The following NETO2 variants were observed in gnomAD, a reference collection of about 807,000 sequenced individuals.
NETO2 encodes the protein neuropilin and tolloid-like protein 2.
In NETO2, 28 loss-of-function variants were observed where a neutral mutation model predicts 62.5. That is an observed-to-expected ratio of 0.45 (90% confidence interval 0.33 to 0.61). The LOEUF (loss-of-function observed/expected upper bound fraction) is 0.61. Among genes scored for constraint, NETO2 ranks in the 20% least tolerant of loss-of-function variants. The probability of loss-of-function intolerance (pLI) is 0.02; values close to 1 mark genes in which losing one functional copy is unlikely to be tolerated. For synonymous variants in NETO2, 214 were observed against 219.1 expected, an observed-to-expected ratio of 0.98 and a Z score of 0.21; for missense variants, 548 against 643.2, an observed-to-expected ratio of 0.85 and a Z score of 1.60.
At chr16:47,128,600 G>A (rs1195912431) in intron 3 of NETO2, 27 bp from the exon 4 acceptor site, 2 of 1,598,566 alleles carry the variant, frequency 1.3e-6, no homozygotes, top group East Asian at 2.2e-5. Context: ...AGCAAATCAG[G>A]ACAACACAAA....
intron 7 of NETO2, among the ~76,000 whole-genome samples, chr16:47,098,521 GACT>G (rs1345885339): frequency 1.3e-5 from 2 of 152,172 alleles, no homozygotes; most frequent in African/African-American, 4.8e-5. Flanking sequence ...AGAAATATGG[GACT>G]ACGTGAAAAG....
At chr16:47,130,004 A>G (rs1034830304) in intron 2 of NETO2, among the ~76,000 whole-genome samples, 1 of 152,222 alleles carries the variant, frequency 6.6e-6, no homozygotes, top group African/African-American at 2.4e-5. Flanking sequence ...TTGGATTTTC[A>G]GTACCCTTTC....
chr16:47,128,525 A>G lies in NETO2; in HGVS notation c.281T>C (p.Ile94Thr). Residue 94 changes from isoleucine to threonine, a missense_variant, in exon 4 of 9, where the codon ATA (isoleucine) becomes ACA (threonine). Transcript: ENST00000562435. ...AAACCGACACTCAAATGATGGTTCTATATAATAATGTTCATCAAAGGTCAA... is the reference window on the plus strand; with the variant it reads ...AAACCGACACTCAAATGATGGTTCTGTATAATAATGTTCATCAAAGGTCAA... ...IELTFDEHYY[I>T]EPSFECRFDH... The G allele has an allele frequency of 1.2e-6, 2 of 1,613,860 alleles. No homozygotes were observed. The highest frequency in any genetic ancestry group is 2.2e-5 in the South Asian group (2 of 91,076).
rs562589845 is a variant in NETO2, at chr16:47,143,613, G to C, written c.-1C>G. On this transcript the variant is annotated 5_prime_UTR_variant, in exon 1 of 9. Coordinates refer to ENST00000562435, the MANE Select transcript of NETO2 (RefSeq NM_018092.5). ...CCGAGCAGAGCCGCTCCAGGGCCAT[G>C]TTCCCGAGCTGCCCGGCGCTTCGCG... The C allele has an allele frequency of 8.2e-6, 10 of 1,222,616 alleles. No homozygotes were observed. The highest frequency in any genetic ancestry group is 6.1e-6 in the Non-Finnish European group (6 of 978,240). 75.7% of individuals were successfully genotyped at this position (1,222,616 alleles called of 1,614,324 possible). A position where few individuals can be genotyped will look rare whatever the true frequency, so the allele number is the denominator to read the frequency against.
At chr16:47,086,120 A>AC in intron 8 of NETO2, 106 bp downstream of exon 8, 2 of 754,890 alleles carry the variant, frequency 2.6e-6, no homozygotes, top group Non-Finnish European at 4.7e-6. Context: ...AAACAAACAA[A>AC]AAGCAGCTAT....
At chr16:47,115,850 C>T (rs1252046017) in intron 6 of NETO2, among the ~76,000 whole-genome samples, 1 of 150,768 alleles carries the variant, frequency 6.6e-6, no homozygotes, top group African/African-American at 2.4e-5. Context: ...GGATTACAGG[C>T]GGGAGCCACA....
At chr16:47,095,229 G>A (rs573098154) in intron 7 of NETO2, among the ~76,000 whole-genome samples, 2 of 151,934 alleles carry the variant, frequency 1.3e-5, no homozygotes, top group South Asian at 2.1e-4. Flanking sequence ...AAGGAAATGC[G>A]AAGGGAATCA....
rs1036473317 is a variant in NETO2 at position 47,134,602 on chromosome 16, G to A, written c.35-2577C>T. Among the ~76,000 whole-genome samples the A allele has an allele frequency of 3.9e-5, 6 of 152,240 alleles. No homozygotes were observed. In the South Asian group the frequency reaches 8.3e-4, roughly 21 times the overall value. On this transcript the variant is annotated intron_variant, in intron 1 of 8. Transcript: ENST00000562435. ...CATATGCCACTGGTCAATATTTCGT[G>A]CGCAGTATACCATTCCTCCTTAATC...
At position 47,129,399 on chromosome 16, in the gene NETO2, A is replaced by G. The variant is rs376213908; in HGVS notation, c.92-35T>C. 29 of 1,603,808 alleles carry G rather than the reference A, an allele frequency of 1.8e-5. No homozygotes were observed. The African/African-American group carries it at 2.7e-4, about 15-fold the overall frequency. ...AAACGGCATTTAAAACACTCATTAC[A>G]GCAAAAGAGAATCATTCTTCTCTTT... On this transcript the variant is annotated intron_variant, in intron 2 of 8. Coordinates refer to ENST00000562435, the MANE Select transcript of NETO2 (RefSeq NM_018092.5).
At chr16:47,117,515 T>A (rs1199990990) in intron 6 of NETO2, among the ~76,000 whole-genome samples, 1 of 152,200 alleles carries the variant, frequency 6.6e-6, no homozygotes, top group East Asian at 1.9e-4. Context: ...TTTGAAACTG[T>A]CCCATAGACA....
intron 1 of NETO2, among the ~76,000 whole-genome samples, chr16:47,136,078 T>C (rs180769852): frequency 8.5e-5 from 13 of 152,374 alleles, no homozygotes; most frequent in African/African-American, 3.1e-4. Context: ...TAGTGGGTCC[T>C]GTTTTTGGAC....
At chr16:47,093,085 C>T (rs371559642) in intron 7 of NETO2, among the ~76,000 whole-genome samples, 7 of 152,158 alleles carry the variant, frequency 4.6e-5, no homozygotes, top group South Asian at 2.1e-4. Context: ...TAAGGCACAG[C>T]GCTAAAGATG....
In NETO2 at chr16:47,143,681, C is replaced by T; in HGVS notation, c.-69G>A. On this transcript the variant is annotated 5_prime_UTR_variant, in exon 1 of 9. Transcript: ENST00000562435. ...CGGCGGTGGCTCGGCGCTCACGGCT[C>T]GGCGCGGCGGCGACGGCCCCACTCC... The T allele has an allele frequency of 1.6e-6, 2 of 1,214,628 alleles. No individual in the cohort carries two copies. Among genetic ancestry groups the T allele is most frequent in the Non-Finnish European group, 2.0e-6 (2 of 976,140 alleles). 75.2% of individuals were successfully genotyped at this position (1,214,628 alleles called of 1,614,324 possible). A position where few individuals can be genotyped will look rare whatever the true frequency, so the allele number is the denominator to read the frequency against.
At chr16:47,141,299 C>A (rs1964456727) in intron 1 of NETO2, among the ~76,000 whole-genome samples, 1 of 152,172 alleles carries the variant, frequency 6.6e-6, no homozygotes, top group Non-Finnish European at 1.5e-5. Flanking sequence ...ATAAGAACCT[C>A]TTTGATGTTA....
chr16:47,140,192 C>T (rs1164697467), intron 1 of NETO2, among the ~76,000 whole-genome samples: 1 of 151,362 alleles, frequency 6.6e-6, no homozygotes, highest in East Asian at 1.9e-4. Context: ...CTTTTTTTTT[C>T]AAGTGCTTCC....
intron 7 of NETO2, among the ~76,000 whole-genome samples, chr16:47,108,622 C>T (rs1963722101): frequency 6.6e-6 from 1 of 152,070 alleles, no homozygotes; most frequent in Admixed American, 6.5e-5. Context: ...TGACAATGTG[C>T]CAAGGAAAGA....
intron 1 of NETO2, 36 bp from the exon 2 acceptor site, chr16:47,132,061 G>C: frequency 6.8e-7 from 1 of 1,460,330 alleles, no homozygotes; most frequent in Non-Finnish European, 9.6e-7. Context: ...TTATGAAATT[G>C]AATCTATACT....
chr16:47,086,404 CAA>C (rs1463891522), intron 7 of NETO2, 65 bp from the exon 8 acceptor site: 1 of 1,031,932 alleles, frequency 9.7e-7, no homozygotes, highest in East Asian at 2.4e-5. Context: ...TCATACATAA[CAA>C]ATCTGACTTT....
intron 6 of NETO2, 152 bp downstream of exon 6, chr16:47,122,505 C>T (rs1479869947): frequency 8.7e-6 from 7 of 805,594 alleles, no homozygotes; most frequent in Non-Finnish European, 1.3e-5. Context: ...TTAGTAGATG[C>T]CAATAAAGTA....
Sources: allele counts gnomAD v4.1 joint callset (sites outside exome capture counted in the v4.1 genomes callset), GRCh38; gene constraint gnomAD v4.1.1; transcripts MANE v1.5; gene names NCBI Gene and HGNC (gene_info 2026-07-23, HGNC 2026-07-21).